The following ZNRF1 variants were observed in gnomAD, a reference collection of about 807,000 sequenced individuals.
The protein encoded by ZNRF1 is E3 ubiquitin-protein ligase ZNRF1.
A neutral mutation model predicts 18.4 loss-of-function variants in ZNRF1; 3 were observed. That is an observed-to-expected ratio of 0.16 (90% confidence interval 0.07 to 0.42). ZNRF1 has a LOEUF of 0.42. ZNRF1 is among the 10% of genes least tolerant of loss of function. The pLI, the probability that ZNRF1 is intolerant of heterozygous loss-of-function variation, is 0.99. For missense variants in ZNRF1, 310 were observed against 329.8 expected, an observed-to-expected ratio of 0.94 and a Z score of 0.47; for synonymous variants, 157 against 144.2, an observed-to-expected ratio of 1.09 and a Z score of -0.64.
At chr16:75,051,324 C>T (rs991720150) in intron 1 of ZNRF1, among the ~76,000 whole-genome samples, 1 of 152,060 alleles carries the variant, frequency 6.6e-6, no homozygotes, top group African/African-American at 2.4e-5. Context: ...TCTCCTGCCT[C>T]AGCATCTCGA....
intron 1 of ZNRF1, among the ~76,000 whole-genome samples, chr16:75,071,361 A>T (rs62059179): frequency 0.067 from 10,236 of 151,996 alleles, 392 homozygotes; most frequent in Admixed American, 0.13. Context: ...TGGCCTCCCA[A>T]TTACGGGTGT....
At chr16:75,038,902 C>A (rs951677532) in intron 1 of ZNRF1, among the ~76,000 whole-genome samples, 2 of 152,096 alleles carry the variant, frequency 1.3e-5, no homozygotes, top group African/African-American at 4.8e-5. Flanking sequence ...GTAAAATTTC[C>A]CCATCTGCTC....
chr16:75,095,472 C>A, intron 2 of ZNRF1: 1 of 1,001,230 alleles, frequency 1.0e-6, no homozygotes, highest in Non-Finnish European at 1.4e-6. Context: ...CGTCTCACAG[C>A]CCTCCCTAGC....
At chr16:75,013,864 G>T (rs2035032294) in intron 1 of ZNRF1, among the ~76,000 whole-genome samples, 5 of 151,058 alleles carry the variant, frequency 3.3e-5, no homozygotes, top group African/African-American at 1.2e-4. Context: ...GAGTCTCACT[G>T]TATCGCCCAG....
intron 1 of ZNRF1, among the ~76,000 whole-genome samples, chr16:75,055,229 A>G (rs916766316): frequency 6.6e-6 from 1 of 152,238 alleles, no homozygotes; most frequent in African/African-American, 2.4e-5. Flanking sequence ...ACTGTTTCTC[A>G]GGTTTAAATA....
chr16:75,076,075 G>A (rs1245031306), intron 1 of ZNRF1, among the ~76,000 whole-genome samples: 3 of 152,186 alleles, frequency 2.0e-5, no homozygotes, highest in African/African-American at 7.2e-5. Context: ...AAACAACCCT[G>A]ATCATGAGAT....
intron 1 of ZNRF1, among the ~76,000 whole-genome samples, chr16:75,052,670 C>T (rs1263248542): frequency 6.6e-6 from 1 of 152,172 alleles, no homozygotes; most frequent in East Asian, 1.9e-4. Flanking sequence ...TTCCAGCAGG[C>T]AGGTGTGTCA....
chr16:75,065,333 A>G (rs999978579), intron 1 of ZNRF1, among the ~76,000 whole-genome samples: 2 of 152,098 alleles, frequency 1.3e-5, no homozygotes, highest in African/African-American at 2.4e-5. Context: ...GGGGTGCCTT[A>G]GACTACTGCC....
intron 1 of ZNRF1, among the ~76,000 whole-genome samples, chr16:75,041,568 G>A (rs1340314229): frequency 6.6e-6 from 1 of 151,770 alleles, no homozygotes; most frequent in African/African-American, 2.4e-5. Context: ...TGACCCAAGT[G>A]ATACGCCCGC....
intron 1 of ZNRF1, among the ~76,000 whole-genome samples, chr16:75,067,178 G>T (rs2035816130): frequency 6.6e-6 from 1 of 152,142 alleles, no homozygotes; most frequent in Non-Finnish European, 1.5e-5. Context: ...TGCCTTCTGG[G>T]TTACTGCACT....
chr16:75,053,520 C>T lies in ZNRF1; in HGVS notation c.425-40052C>T, dbSNP rs1327858676. Among the ~76,000 whole-genome samples the T allele has an allele frequency of 3.8e-5, 5 of 133,266 alleles. No individual in the cohort carries two copies. In the Admixed American group the frequency reaches 4.3e-4, roughly 11 times the overall value. The allele number at this position is 133,266 out of a possible 152,430, so 87.4% of individuals were successfully genotyped here. A position where few individuals can be genotyped will look rare whatever the true frequency, so the allele number is the denominator to read the frequency against. On this transcript the variant is annotated intron_variant, in intron 1 of 4. Transcript: ENST00000335325. ...AGGAGAATCGCTTGAACCTGGGAGG[C>T]GGAGGTTGCGGTGAGCCGAGATCAC...
intron 1 of ZNRF1, among the ~76,000 whole-genome samples, chr16:75,026,576 T>A (rs1438938013): frequency 6.6e-6 from 1 of 152,216 alleles, no homozygotes; most frequent in East Asian, 1.9e-4. Flanking sequence ...TTTGCTTTCA[T>A]AGCAGTTTTT....
intron 1 of ZNRF1, among the ~76,000 whole-genome samples, chr16:75,071,396 A>G (rs999540220): frequency 2.6e-5 from 4 of 152,056 alleles, no homozygotes; most frequent in Admixed American, 2.0e-4. Flanking sequence ...GGCCACAGGT[A>G]CCTTTTGATG....
Position 75,093,568 on chromosome 16 carries a change from T to G in ZNRF1, c.425-4T>G, listed in dbSNP as rs775309934. On this transcript the variant is annotated splice_region_variant and splice_polypyrimidine_tract_variant and intron_variant, in intron 1 of 4. Transcript: ENST00000335325. Reference sequence around the variant, plus strand: ...ACATTTCATCCCATTCTCCTCTCTTTCAGGTTTCAAGTGCCCCATTTGCTC... The same window carrying G: ...ACATTTCATCCCATTCTCCTCTCTTGCAGGTTTCAAGTGCCCCATTTGCTC... 1 of 1,612,444 alleles carries G rather than the reference T, an allele frequency of 6.2e-7. No individual in the cohort carries two copies. The highest frequency in any genetic ancestry group is 2.2e-5 in the East Asian group (1 of 44,856).
Position 74,999,986 on chromosome 16 carries a change from G to A in ZNRF1, c.315G>A (p.Glu105=), listed in dbSNP as rs145089844. The A allele has an allele frequency of 3.8e-5, 60 of 1,584,994 alleles. No homozygotes were observed. The highest frequency in any genetic ancestry group is 4.7e-5 in the Non-Finnish European group (55 of 1,166,646). ...ATGCCCATGGCAATGGTTACCAGGAGACGGGCGGCGGTCACCATAGAGACG... is the reference window on the plus strand; with the variant it reads ...ATGCCCATGGCAATGGTTACCAGGAAACGGGCGGCGGTCACCATAGAGACG... ...STYAHGNGYQ[E]TGGGHHRDGM... Residue 105 remains glutamate (E), a synonymous_variant, in exon 1 of 5, where the codon GAG becomes GAA. Coordinates refer to ENST00000335325, the MANE Select transcript of ZNRF1 (RefSeq NM_032268.5).
intron 1 of ZNRF1, among the ~76,000 whole-genome samples, chr16:75,045,491 T>G (rs973618799): frequency 1.3e-5 from 2 of 152,152 alleles, no homozygotes; most frequent in African/African-American, 4.8e-5. Context: ...TTTTTTTAAC[T>G]TAGCAATAAA....
chr16:75,048,929 T>C, intron 1 of ZNRF1, among the ~76,000 whole-genome samples: 1 of 152,186 alleles, frequency 6.6e-6, no homozygotes, highest in East Asian at 1.9e-4. Flanking sequence ...TTCAAGAAAT[T>C]GTTTAGTTAT....
intron 1 of ZNRF1, among the ~76,000 whole-genome samples, chr16:75,082,368 C>G (rs9926159): frequency 0.32 from 48,722 of 152,064 alleles, 8,625 homozygotes; most frequent in East Asian, 0.65. Flanking sequence ...GATGCTTTCC[C>G]CATTCTTCAT....
intron 2 of ZNRF1, among the ~76,000 whole-genome samples, chr16:75,100,799 CAAAG>C (rs765122129): frequency 5.3e-5 from 8 of 152,304 alleles, no homozygotes; most frequent in South Asian, 2.1e-4. Context: ...GTGTCCAAGA[CAAAG>C]AGAGTGGGGA....
Sources: allele counts gnomAD v4.1 joint callset (sites outside exome capture counted in the v4.1 genomes callset), GRCh38; gene constraint gnomAD v4.1.1; transcripts MANE v1.5; gene names NCBI Gene and HGNC (gene_info 2026-07-23, HGNC 2026-07-21).